Variants in PTPRA observed in about 807,000 individuals in gnomAD.
The protein encoded by PTPRA is protein tyrosine phosphatase receptor type A.
Under a neutral mutation model 104.8 loss-of-function variants are expected in PTPRA, and 25 were observed. The observed-to-expected ratio is 0.24, with a 90% CI of 0.17 to 0.33. The LOEUF is 0.33. Ranked by LOEUF, PTPRA falls within the 10% of genes least tolerant of loss-of-function variation. The pLI, the probability that PTPRA is intolerant of heterozygous loss-of-function variation, is 1.00. For synonymous variants in PTPRA, 323 were observed against 368.9 expected, an observed-to-expected ratio of 0.88 and a Z score of 1.43; for missense variants, 765 against 1,015.3, an observed-to-expected ratio of 0.75 and a Z score of 3.35.
intron 3 of PTPRA, among the ~76,000 whole-genome samples, chr20:2,962,026 T>C (rs2061773686): frequency 6.6e-6 from 1 of 152,248 alleles, no homozygotes; most frequent in Non-Finnish European, 1.5e-5. Context: ...TGAAGTCCAA[T>C]AGCATTAATC....
chr20:2,887,212 G>T (rs2090438920), intron 1 of PTPRA, among the ~76,000 whole-genome samples: 1 of 152,120 alleles, frequency 6.6e-6, no homozygotes, highest in African/African-American at 2.4e-5. Context: ...TATTTTAATT[G>T]ATGGAAGTAC....
chr20:2,883,348 C>G (rs1290780977), intron 1 of PTPRA, among the ~76,000 whole-genome samples: 1 of 152,120 alleles, frequency 6.6e-6, no homozygotes, highest in Admixed American at 6.5e-5. Flanking sequence ...GGAACTACTT[C>G]TTTTCTTAGA....
intron 2 of PTPRA, among the ~76,000 whole-genome samples, chr20:2,941,949 T>C (rs761256331): frequency 2.0e-5 from 3 of 152,220 alleles, no homozygotes; most frequent in Non-Finnish European, 2.9e-5. Flanking sequence ...TCACTTCTCC[T>C]ATTTGTCTGT....
intron 5 of PTPRA, among the ~76,000 whole-genome samples, chr20:2,966,903 G>T (rs2061967511): frequency 6.6e-6 from 1 of 152,170 alleles, no homozygotes; most frequent in South Asian, 2.1e-4. Flanking sequence ...AAAATGTTGG[G>T]TTGTGGCCAT....
chr20:2,872,860 TGCTTCTACTCA>T (rs1371646837), upstream of PTPRA, among the ~76,000 whole-genome samples: 1 of 152,204 alleles, frequency 6.6e-6, no homozygotes, highest in African/African-American at 2.4e-5. This position sits in a 1 kb window ranked among gnomAD's most constrained non-coding sequence, Gnocchi z 7.9. Context: ...CCATGTGTTG[TGCTTCTACTCA>T]GCTCGGTGGC....
At chr20:2,884,682 G>A (rs759393546) in intron 1 of PTPRA, among the ~76,000 whole-genome samples, 6 of 151,928 alleles carry the variant, frequency 3.9e-5, no homozygotes, top group Non-Finnish European at 5.9e-5. Flanking sequence ...TCAGATATAC[G>A]ATCTGTAAAT....
intron 1 of PTPRA, among the ~76,000 whole-genome samples, chr20:2,907,681 A>G (rs1021575954): frequency 2.0e-5 from 3 of 152,170 alleles, no homozygotes; most frequent in African/African-American, 4.8e-5. Context: ...AACACAGACT[A>G]TTCATAGAAG....
At chr20:3,012,213 A>G (rs975961694) in intron 11 of PTPRA, among the ~76,000 whole-genome samples, 1 of 152,198 alleles carries the variant, frequency 6.6e-6, no homozygotes, top group East Asian at 1.9e-4. Flanking sequence ...TGTTCAAGGC[A>G]GGGAGTAGTG....
At position 2,999,489 on chromosome 20, in the gene PTPRA, G is replaced by C. The variant is rs527460555; in HGVS notation, c.739-5567G>C. Reference sequence around the variant, plus strand: ...AAATTTTAGTAATTAAGACAGTTTTGTATTGGCACTGGGATAGACAGATCG... The same window carrying C: ...AAATTTTAGTAATTAAGACAGTTTTCTATTGGCACTGGGATAGACAGATCG... On this transcript the variant is annotated intron_variant, in intron 9 of 23. Transcript: ENST00000399903. Among the ~76,000 whole-genome samples the C allele has an allele frequency of 3.3e-5, 5 of 152,280 alleles. No individual in the cohort carries two copies. In the South Asian group the frequency reaches 1.0e-3, roughly 32 times the overall value.
At chr20:2,973,984 C>G (rs1223286199) in intron 5 of PTPRA, among the ~76,000 whole-genome samples, 1 of 147,482 alleles carries the variant, frequency 6.8e-6, no homozygotes, top group Non-Finnish European at 1.5e-5. Flanking sequence ...TGGAGTCTCG[C>G]TCTGTTGCCC....
chr20:3,020,697 C>T (rs490535), intron 13 of PTPRA, among the ~76,000 whole-genome samples: 49,909 of 152,016 alleles, frequency 0.33, 8,376 homozygotes, highest in East Asian at 0.38. Context: ...TATTTGTTAC[C>T]GTGTTTCTCA....
At chr20:2,970,809 T>G (rs1160951349) in intron 5 of PTPRA, among the ~76,000 whole-genome samples, 1 of 151,732 alleles carries the variant, frequency 6.6e-6, no homozygotes, top group African/African-American at 2.4e-5. Context: ...TGGTTTCGTG[T>G]GTGTGTGTGT....
At chr20:3,013,855 A>C (rs1429150120) in intron 11 of PTPRA, among the ~76,000 whole-genome samples, 1 of 152,182 alleles carries the variant, frequency 6.6e-6, no homozygotes, top group Non-Finnish European at 1.5e-5. Context: ...TGAACAGAAC[A>C]CAAGATCAGT....
At chr20:3,031,632 C>G (rs1424833191) in intron 20 of PTPRA, among the ~76,000 whole-genome samples, 1 of 152,166 alleles carries the variant, frequency 6.6e-6, no homozygotes, top group African/African-American at 2.4e-5. Flanking sequence ...GGCATCCGCC[C>G]TGTTTACTGC....
chr20:2,887,871 T>C (rs2090468156), intron 1 of PTPRA, among the ~76,000 whole-genome samples: 4 of 152,334 alleles, frequency 2.6e-5, no homozygotes, highest in Admixed American at 2.6e-4. Flanking sequence ...CTGGTTCCCA[T>C]GTCCCCAGTG....
intron 1 of PTPRA, among the ~76,000 whole-genome samples, chr20:2,899,749 T>G (rs1052588023): frequency 1.3e-5 from 2 of 152,150 alleles, no homozygotes; most frequent in African/African-American, 4.8e-5. Context: ...ATGGTTTCAT[T>G]CCAATACTCT....
Position 3,022,065 on chromosome 20 carries a change from G to A in PTPRA, c.1173G>A (p.Met391Ile), listed in dbSNP as rs2064901502. 6.2e-7 allele frequency: 1 copy of A among 1,614,008 alleles called. No individual in the cohort carries two copies. The highest frequency in any genetic ancestry group is 8.5e-7 in the Non-Finnish European group (1 of 1,180,010). Residue 391 changes from methionine to isoleucine, a missense_variant, in exon 15 of 24, where the codon ATG (methionine) becomes ATA (isoleucine). Transcript: ENST00000399903. The surrounding 1 kb of genome is among the most constrained non-coding windows in gnomAD (Gnocchi z 4.6). ...RKFCIQQVGD[M>I]TNRKPQRLIT... ...TCCTCACTTCACAGGTGGGCGACAT[G>A]ACCAACAGAAAGCCACAGCGCCTCA...
At chr20:2,904,562 G>A (rs930162728) in intron 1 of PTPRA, among the ~76,000 whole-genome samples, 1 of 151,368 alleles carries the variant, frequency 6.6e-6, no homozygotes, top group African/African-American at 2.4e-5. Flanking sequence ...CCAGCTACTC[G>A]GGAGGCTGAG....
Position 2,970,846 on chromosome 20 carries a change from C to T in PTPRA, c.416-4369C>T, listed in dbSNP as rs371227062. On this transcript the variant is annotated intron_variant, in intron 5 of 23. Transcript: ENST00000399903. ...TGTGTACACGCACTTAAGTCTGTCT[C>T]GAATTTATTCTGATGCAGAGTGAGC... Among the ~76,000 whole-genome samples, 18 of 152,066 alleles carry T rather than the reference C, an allele frequency of 1.2e-4. No individual in the cohort carries two copies. In the East Asian group the frequency reaches 3.3e-3, roughly 28 times the overall value.
Sources: allele counts gnomAD v4.1 joint callset (sites outside exome capture counted in the v4.1 genomes callset), GRCh38; gene constraint gnomAD v4.1.1; non-coding constraint Gnocchi (gnomAD v3.1); transcripts MANE v1.5; gene names NCBI Gene and HGNC (gene_info 2026-07-23, HGNC 2026-07-21).